The following LIX1L variants were observed in gnomAD, a reference collection of about 807,000 sequenced individuals.
LIX1L encodes LIX1-like protein.
Under a neutral mutation model 34.0 loss-of-function variants are expected in LIX1L, and 20 were observed. The observed-to-expected ratio is 0.59, with a 90% CI of 0.41 to 0.85. The LOEUF is 0.85. Ranked by LOEUF, LIX1L falls within the 40% of genes least tolerant of loss-of-function variation. The pLI is 0.00. For missense variants in LIX1L, 397 were observed against 447.0 expected (o/e 0.89, Z 1.01); for synonymous variants, 170 against 187.4 (o/e 0.91, Z 0.76).
At chr1:145,952,497 T>C (rs1166439420) in intron 1 of LIX1L, among the ~76,000 whole-genome samples, 1 of 152,232 alleles carries the variant, frequency 6.6e-6, no homozygotes, top group Non-Finnish European at 1.5e-5. Context: ...TATACCCTGC[T>C]GTTGAATAAC....
In LIX1L at chr1:145,957,801, GGGGGCCCGCA is replaced by G; in HGVS notation, c.117_126del (p.Ala40ArgfsTer43). The G allele has an allele frequency of 7.4e-7, 1 of 1,354,178 alleles. No homozygotes were observed. The highest frequency in any genetic ancestry group is 9.4e-7 in the Non-Finnish European group (1 of 1,059,214). 83.9% of individuals were successfully genotyped at this position (1,354,178 alleles called of 1,614,324 possible). The stretch of plus-strand genomic sequence containing the variant: ...GGTGCGGGAGGCGGCGGGGCAGGCG[GGGGGCCCGCA>G]GGGGGTGTGGCGGTGGCGGCCGCGG... On this transcript the variant is annotated frameshift_variant, in exon 1 of 6. Transcript: ENST00000604000. LOFTEE classifies it high-confidence loss of function.
At chr1:145,949,450 T>C (rs1189219323) in intron 1 of LIX1L, among the ~76,000 whole-genome samples, 5 of 152,018 alleles carry the variant, frequency 3.3e-5, no homozygotes, top group Admixed American at 2.0e-4. Flanking sequence ...GGGAACATGA[T>C]GAATAAAGGG....
Position 145,957,754 on chromosome 1 carries a change from C to T in LIX1L, c.174G>A (p.Leu58=). 1.4e-6 allele frequency: 2 copies of T among 1,389,532 alleles called. No homozygotes were observed. Among genetic ancestry groups the T allele is most frequent in the Non-Finnish European group, 1.9e-6 (2 of 1,078,490 alleles). The allele number at this position is 1,389,532 out of a possible 1,614,324, so 86.1% of individuals were successfully genotyped here. A position where few individuals can be genotyped will look rare whatever the true frequency, so the allele number is the denominator to read the frequency against. The part of the protein sequence containing the change: ...PPAPPPPPLL[L]SGAPGLPLPP... ...GCAGGGGTAGTCCTGGGGCCCCAGA[C>T]AGGAGCAGCGGCGGCGGGGGCGGTG... is the stretch of plus-strand genomic sequence containing the variant. The change falls in exon 1 of 6, where the codon CTG becomes CTA. Residue 58 remains leucine (L), a synonymous_variant. Coordinates refer to ENST00000604000, the MANE Select transcript of LIX1L (RefSeq NM_153713.3).
In LIX1L at chr1:145,952,553, C is replaced by T. The variant is rs114588673; in HGVS notation, c.293-4771G>A. ...TTTTGCCTTTAGGAGATAAAATATA[C>T]GAATGTCTAAGTGGACAGGATGGGA... On this transcript the variant is annotated intron_variant, in intron 1 of 5. Transcript: ENST00000604000. Among the ~76,000 whole-genome samples, 1,499 of 151,878 alleles carry T rather than the reference C, an allele frequency of 9.9e-3. 25 individuals are homozygous for T. Among genetic ancestry groups the T allele is most frequent in the African/African-American group, 0.034 (1,393 of 41,426 alleles).
chr1:145,938,738 C>T (rs782019628), intron 3 of LIX1L, among the ~76,000 whole-genome samples: 1 of 152,056 alleles, frequency 6.6e-6, no homozygotes, highest in Non-Finnish European at 1.5e-5. Flanking sequence ...TAGGCATGCG[C>T]CATCACGCCC....
At chr1:145,957,380 G>A (rs1261795917) in intron 1 of LIX1L, among the ~76,000 whole-genome samples, 1 of 152,214 alleles carries the variant, frequency 6.6e-6, no homozygotes, top group Admixed American at 6.5e-5. Context: ...AAGGAGAAAA[G>A]CTTAGGAAGA....
In LIX1L at chr1:145,936,967, GA is replaced by G. The variant is rs1648671243; in HGVS notation, c.711del (p.Gln238AsnfsTer12). The G allele has an allele frequency of 6.2e-7, 1 of 1,612,488 alleles. No homozygotes were observed. Among genetic ancestry groups the G allele is most frequent in the Non-Finnish European group, 8.5e-7 (1 of 1,178,744 alleles). On this transcript the variant is annotated frameshift_variant, in exon 5 of 6. Coordinates refer to ENST00000604000, the MANE Select transcript of LIX1L (RefSeq NM_153713.3). LOFTEE classifies it high-confidence loss of function. ...AGGCTGCCATTCCAGTGTAGCAGTT[GA>G]AAAACTGTCATTAGCTCCTGGGGGA... Reference protein sequence around the residue: ...MLEFQELMTVFQLLHWNGSLK... With the variant: ...MLEFQELMTVXQLLHWNGSLK...
At position 145,947,792 on chromosome 1, in the gene LIX1L, A is replaced by G; in HGVS notation, c.293-10T>C. 6.2e-7 allele frequency: 1 copy of G among 1,613,822 alleles called. No individual in the cohort carries two copies. Among genetic ancestry groups the G allele is most frequent in the South Asian group, 1.1e-5 (1 of 91,074 alleles). ...GCCTCCACCACATTCACTACAAAAG[A>G]GAAGTACTTAAGTTCAGCAATGAAT... On this transcript the variant is annotated splice_polypyrimidine_tract_variant and intron_variant, in intron 1 of 5. Coordinates refer to ENST00000604000, the MANE Select transcript of LIX1L (RefSeq NM_153713.3).
chr1:145,954,734 G>C (rs1553760194), intron 1 of LIX1L, among the ~76,000 whole-genome samples: 2 of 152,232 alleles, frequency 1.3e-5, no homozygotes, highest in Non-Finnish European at 2.9e-5. Context: ...ATGCAGAACA[G>C]TACCTATCAT....
intron 2 of LIX1L, among the ~76,000 whole-genome samples, chr1:145,946,726 A>G (rs1553759284): frequency 6.6e-6 from 1 of 152,184 alleles, no homozygotes; most frequent in Admixed American, 6.5e-5. Flanking sequence ...ACTAGGAGAG[A>G]CAAACAATTA....
At chr1:145,951,108 G>C (rs1025755449) in intron 1 of LIX1L, among the ~76,000 whole-genome samples, 1 of 152,110 alleles carries the variant, frequency 6.6e-6, no homozygotes, top group Non-Finnish European at 1.5e-5. Context: ...GTGCAGTGGC[G>C]CAATCTTGGC....
Position 145,938,868 on chromosome 1 carries a change from G to A in LIX1L, c.598-1169C>T, listed in dbSNP as rs1269954069. 5.9e-5 allele frequency among the ~76,000 whole-genome samples: 9 copies of A among 152,184 alleles called. No individual in the cohort carries two copies. The Middle Eastern group carries it at 0.01, about 173-fold the overall frequency. On this transcript the variant is annotated intron_variant, in intron 3 of 5. Transcript: ENST00000604000. ...CTCCCAAAGTGCTGGGATTACAGGCGTAAGCCACTGTGCCTGGCCCAGCAT... is the reference window on the plus strand; with the variant it reads ...CTCCCAAAGTGCTGGGATTACAGGCATAAGCCACTGTGCCTGGCCCAGCAT...
chr1:145,948,548 G>A lies in LIX1L; in HGVS notation c.293-766C>T, dbSNP rs141673584. Among the ~76,000 whole-genome samples, 783 of 152,272 alleles carry A rather than the reference G, an allele frequency of 5.1e-3. 7 individuals carry two copies. The highest frequency in any genetic ancestry group is 0.018 in the African/African-American group (738 of 41,556). On this transcript the variant is annotated intron_variant, in intron 1 of 5. Transcript: ENST00000604000. The surrounding 1 kb of genome is among the most constrained non-coding windows in gnomAD (Gnocchi z 4.0). ...ACCCAGAATACTATGTACATACTACGAGTGAGAGAAGCCAGGGCATGGGGG... is the reference window on the plus strand; with the variant it reads ...ACCCAGAATACTATGTACATACTACAAGTGAGAGAAGCCAGGGCATGGGGG...
At chr1:145,943,863 C>A (rs1347504956) in intron 2 of LIX1L, among the ~76,000 whole-genome samples, 2 of 150,976 alleles carry the variant, frequency 1.3e-5, no homozygotes, top group Non-Finnish European at 3.0e-5. Flanking sequence ...TAGCAAGACC[C>A]CTGTCTCTAC....
At chr1:145,936,631 G>A in intron 5 of LIX1L, 79 bp from the exon 6 acceptor site, 1 of 1,550,806 alleles carries the variant, frequency 6.4e-7, no homozygotes, top group Non-Finnish European at 8.8e-7. Flanking sequence ...CTGGGACTAA[G>A]AACTCAGCTT....
rs1649497433 is a variant in LIX1L, at chr1:145,957,090, G to A, written c.292+546C>T. Among the ~76,000 whole-genome samples, 3 of 152,330 alleles carry A rather than the reference G, an allele frequency of 2.0e-5. 1 individual carries two copies. The South Asian group carries it at 6.2e-4, about 32-fold the overall frequency. ...GGATTTAAATACACAATTACTATGA[G>A]TGACTTGTGAAGGCACTACCTAGTT... On this transcript the variant is annotated intron_variant, in intron 1 of 5. Coordinates refer to ENST00000604000, the MANE Select transcript of LIX1L (RefSeq NM_153713.3).
chr1:145,957,250 G>A (rs947555541), intron 1 of LIX1L, among the ~76,000 whole-genome samples: 1 of 152,190 alleles, frequency 6.6e-6, no homozygotes, highest in Admixed American at 6.5e-5. Context: ...AGGAAAGACT[G>A]AGAGGGTATG....
At chr1:145,942,917 T>A (rs1334628706) in intron 2 of LIX1L, 64 bp from the exon 3 acceptor site, 2 of 1,509,622 alleles carry the variant, frequency 1.3e-6, no homozygotes, top group African/African-American at 2.7e-5. Flanking sequence ...GAAGGAACAG[T>A]GGGAGGGAAA....
chr1:145,957,686 A>G lies in LIX1L; in HGVS notation c.242T>C (p.Val81Ala). Residue 81 changes from valine (V) to alanine (A), a missense_variant, in exon 1 of 6, where the codon GTG becomes GCG. Val to Ala is a moderately conservative substitution (Grantham distance 64, BLOSUM62 0). Coordinates refer to ENST00000604000, the MANE Select transcript of LIX1L (RefSeq NM_153713.3). The stretch of plus-strand genomic sequence containing the variant: ...GGCGAAGCTCCTCACCACGGCCTCC[A>G]CGGCCTCTCGCAGCACTGCCGGGCT... ...AGSPAVLREAVEAVVRSFAKH... is the reference protein window; with the variant it reads ...AGSPAVLREAAEAVVRSFAKH... The G allele has an allele frequency of 1.3e-6, 2 of 1,534,366 alleles. No individual in the cohort carries two copies. Among genetic ancestry groups the G allele is most frequent in the Non-Finnish European group, 1.7e-6 (2 of 1,146,644 alleles).
Sources: allele counts gnomAD v4.1 joint callset (sites outside exome capture counted in the v4.1 genomes callset), GRCh38; gene constraint gnomAD v4.1.1; non-coding constraint Gnocchi (gnomAD v3.1); transcripts MANE v1.5; gene names NCBI Gene and HGNC (gene_info 2026-07-23, HGNC 2026-07-21).